PTPRD: variants seen among roughly 807,000 people sequenced by gnomAD.
PTPRD encodes receptor-type tyrosine-protein phosphatase delta.
A neutral mutation model predicts 214.5 loss-of-function variants in PTPRD; 34 were observed. The ratio of observed to expected loss-of-function variants is 0.16; its 90% CI spans 0.12 to 0.21. The LOEUF is 0.21. Ranked by LOEUF, PTPRD falls within the 10% of genes least tolerant of loss-of-function variation. The pLI, the probability that PTPRD is intolerant of heterozygous loss-of-function variation, is 1.00. For missense variants in PTPRD, 2,545 were observed against 2,398.7 expected (o/e 1.06, Z -1.27); for synonymous variants, 1,128 against 845.7 (o/e 1.33, Z -5.79).
chr9:9,450,950 T>TAC (rs145703989), intron 8 of PTPRD, among the ~76,000 whole-genome samples: 25,738 of 136,424 alleles, frequency 0.19, 2,245 homozygotes, highest in East Asian at 0.27. Flanking sequence ...CATACATACA[T>TAC]ACACACACAC....
rs114054290 is a variant in PTPRD, at chr9:10,561,890, C to T, written c.-600+50508G>A. On this transcript the variant is annotated intron_variant, in intron 2 of 45. Coordinates refer to ENST00000381196, the MANE Select transcript of PTPRD (RefSeq NM_002839.4). ...ACAGGATATAGGATAATAAAATCCT[C>T]TGGCTTATAAATAAGTATGTATTTT... 2.5e-3 allele frequency among the ~76,000 whole-genome samples: 382 copies of T among 152,196 alleles called. 2 individuals carry two copies. Among genetic ancestry groups the T allele is most frequent in the African/African-American group, 8.8e-3 (366 of 41,538 alleles).
At chr9:9,135,451 T>C (rs553079022) in intron 10 of PTPRD, among the ~76,000 whole-genome samples, 2 of 152,296 alleles carry the variant, frequency 1.3e-5, no homozygotes, top group African/African-American at 2.4e-5. Context: ...TGAGATCATT[T>C]TCCCTGTGAT....
In PTPRD at chr9:8,557,136, G is replaced by A. The variant is rs1406772754; in HGVS notation, c.353-28357C>T. ...ACAGTGGAAGGGAGGCAGACAGAGT[G>A]ATGCAGTTTGCTTCTGTTAGCCGAG... On this transcript the variant is annotated intron_variant, in intron 14 of 45. Transcript: ENST00000381196. Among the ~76,000 whole-genome samples, 3 of 152,058 alleles carry A rather than the reference G, an allele frequency of 2.0e-5. No homozygotes were observed. The East Asian group carries it at 5.8e-4, about 29-fold the overall frequency.
At chr9:8,468,130 ATTTGAGCTTTTGGGTATTC>A (rs2134664443) in intron 31 of PTPRD, among the ~76,000 whole-genome samples, 1 of 152,144 alleles carries the variant, frequency 6.6e-6, no homozygotes, top group African/African-American at 2.4e-5. Flanking sequence ...ACAATAAAAT[ATTTGAGCTTTTGGGTATTC>A]TTAGACCCAA....
intron 44 of PTPRD, among the ~76,000 whole-genome samples, chr9:8,326,255 G>C (rs1352881763): frequency 6.6e-6 from 1 of 152,096 alleles, no homozygotes; most frequent in East Asian, 1.9e-4. Flanking sequence ...TCAGTACCTA[G>C]TTTTTTGAGA....
At chr9:8,335,227 A>C (rs1357970229) in intron 43 of PTPRD, among the ~76,000 whole-genome samples, 1 of 150,032 alleles carries the variant, frequency 6.7e-6, no homozygotes, top group African/African-American at 2.5e-5. Context: ...TCCCTGATGA[A>C]CATCGATGCC....
intron 2 of PTPRD, among the ~76,000 whole-genome samples, chr9:10,454,382 G>A (rs187762447): frequency 3.6e-4 from 54 of 151,158 alleles, no homozygotes; most frequent in Non-Finnish European, 7.0e-4. Flanking sequence ...ACATCTCCAG[G>A]ATCCTTGAGC....
chr9:9,891,827 A>G (rs10122725), intron 5 of PTPRD, among the ~76,000 whole-genome samples: 6,635 of 152,246 alleles, frequency 0.044, 270 homozygotes, highest in African/African-American at 0.11. Flanking sequence ...CTTTTAAGTC[A>G]TAAGATTTAG....
At chr9:8,727,860 A>C (rs1312672295) in intron 12 of PTPRD, among the ~76,000 whole-genome samples, 1 of 152,170 alleles carries the variant, frequency 6.6e-6, no homozygotes, top group African/African-American at 2.4e-5. Flanking sequence ...GATATAATTC[A>C]AATACCATAA....
In PTPRD at chr9:9,593,218, T is replaced by TC. The variant is rs1002392084; in HGVS notation, c.-286-18438dup. On this transcript the variant is annotated intron_variant, in intron 7 of 45. Coordinates refer to ENST00000381196, the MANE Select transcript of PTPRD (RefSeq NM_002839.4). ...TTTGTTTTTTTTTTGTTTTTGTTTT[T>TC]CCCCCCCCTCAAAGAAAAGGGGGAT... 1.1e-4 allele frequency among the ~76,000 whole-genome samples: 16 copies of TC among 148,828 alleles called. No homozygotes were observed. In the East Asian group the frequency reaches 1.4e-3, roughly 13 times the overall value.
At chr9:9,457,001 G>T (rs1027952143) in intron 8 of PTPRD, among the ~76,000 whole-genome samples, 1 of 151,912 alleles carries the variant, frequency 6.6e-6, no homozygotes, top group African/African-American at 2.4e-5. Flanking sequence ...TGGAAAAGTA[G>T]GTCCAAATGG....
intron 12 of PTPRD, among the ~76,000 whole-genome samples, chr9:8,654,174 A>C (rs2096866096): frequency 6.6e-6 from 1 of 152,160 alleles, no homozygotes; most frequent in South Asian, 2.1e-4. Context: ...TTAGCACCAA[A>C]ACTACTGACT....
chr9:9,981,652 G>A (rs1023858693), intron 4 of PTPRD, among the ~76,000 whole-genome samples: 4 of 152,006 alleles, frequency 2.6e-5, no homozygotes, highest in South Asian at 2.1e-4. Context: ...GAGCCACTGC[G>A]TCTGGCCAAC....
chr9:8,712,256 G>C (rs1488535494), intron 12 of PTPRD, among the ~76,000 whole-genome samples: 1 of 152,176 alleles, frequency 6.6e-6, no homozygotes, highest in Non-Finnish European at 1.5e-5. Flanking sequence ...GCTGGATATT[G>C]TAAGAGTAAA....
intron 11 of PTPRD, among the ~76,000 whole-genome samples, chr9:8,984,767 G>A (rs546718176): frequency 6.6e-6 from 1 of 152,134 alleles, no homozygotes; most frequent in South Asian, 2.1e-4. Flanking sequence ...TGCCACTTGG[G>A]AAATTTATCT....
chr9:10,579,515 G>A (rs1169414529), intron 2 of PTPRD, among the ~76,000 whole-genome samples: 2 of 152,170 alleles, frequency 1.3e-5, no homozygotes, highest in East Asian at 3.9e-4. Context: ...CCAGTCCACT[G>A]TTGATGGGCA....
chr9:8,768,776 T>G (rs1243128505), intron 11 of PTPRD, among the ~76,000 whole-genome samples: 1 of 152,112 alleles, frequency 6.6e-6, no homozygotes, highest in Non-Finnish European at 1.5e-5. Context: ...ATAAACCAAA[T>G]ATGTACAGAA....
Position 8,485,774 on chromosome 9 carries a change from G to A in PTPRD, c.3043C>T (p.Pro1015Ser), listed in dbSNP as rs767662106. ...YSPSVQFRTL[P>S]VDQVFAKNFH... ...AGACAAATCCTACCTTGATCCACAGGCAGTGTCCTGAACTGGACACTGGGA... is the reference window on the plus strand; with the variant it reads ...AGACAAATCCTACCTTGATCCACAGACAGTGTCCTGAACTGGACACTGGGA... The change falls in exon 28 of 46, where the codon CCT becomes TCT. Residue 1015 changes from proline to serine, a missense_variant. Coordinates refer to ENST00000381196, the MANE Select transcript of PTPRD (RefSeq NM_002839.4). 3.1e-6 allele frequency: 5 copies of A among 1,610,802 alleles called. No individual in the cohort carries two copies. In the East Asian group the frequency reaches 8.9e-5, roughly 29 times the overall value.
chr9:8,755,356 C>T (rs1036461266), intron 11 of PTPRD, among the ~76,000 whole-genome samples: 1 of 151,780 alleles, frequency 6.6e-6, no homozygotes, highest in African/African-American at 2.4e-5. Flanking sequence ...ATGGTGAAAC[C>T]CTGTCTCTAC....
Sources: gnomAD v4.1 joint callset for allele counts (sites outside exome capture counted in the v4.1 genomes callset) on GRCh38, gnomAD v4.1.1 for gene constraint, MANE v1.5 for transcripts, NCBI Gene and HGNC (gene_info 2026-07-23, HGNC 2026-07-21) for gene names.